Variants in TNRC6C observed in about 807,000 individuals in gnomAD.
The protein encoded by TNRC6C is trinucleotide repeat-containing gene 6C protein.
In TNRC6C, 20 loss-of-function variants were observed where a neutral mutation model predicts 153.7. The ratio of observed to expected loss-of-function variants is 0.13; its 90% CI spans 0.09 to 0.19. The LOEUF (loss-of-function observed/expected upper bound fraction) is 0.19. Among genes scored for constraint, TNRC6C ranks in the 10% least tolerant of loss-of-function variants. The probability of loss-of-function intolerance (pLI) is 1.00; values close to 1 mark genes in which losing one functional copy is unlikely to be tolerated. For synonymous variants in TNRC6C, 811 were observed against 841.4 expected (o/e 0.96, Z 0.63); for missense variants, 1,987 against 2,172.0 (o/e 0.91, Z 1.69).
intron 2 of TNRC6C, among the ~76,000 whole-genome samples, chr17:78,036,930 AAAAG>A (rs565023371): frequency 4.7e-4 from 71 of 152,156 alleles, no homozygotes; most frequent in East Asian, 3.7e-3. Context: ...TTAAAAAAAA[AAAAG>A]AAAGAAAGAA....
At chr17:78,061,553 G>C (rs1328517716) in intron 3 of TNRC6C, among the ~76,000 whole-genome samples, 1 of 152,106 alleles carries the variant, frequency 6.6e-6, no homozygotes, top group East Asian at 1.9e-4. Context: ...GTGGGGGCAG[G>C]CATCTGTAAT....
Position 77,981,904 on chromosome 17 carries a change from G to C in TNRC6C, c.-37-22266G>C, listed in dbSNP as rs923841952. ...GATAGAAGAGATTTGACAACCCCTA[G>C]GTATTGTGGACTGAGTGTGTGTGTT... On this transcript the variant is annotated intron_variant, in intron 1 of 22. Coordinates refer to the TNRC6C transcript ENST00000636222. 2.0e-5 allele frequency among the ~76,000 whole-genome samples: 3 copies of C among 152,284 alleles called. No homozygotes were observed. The East Asian group carries it at 5.8e-4, about 29-fold the overall frequency.
chr17:78,003,031 G>A (rs143721800), upstream of TNRC6C, among the ~76,000 whole-genome samples: 276 of 152,310 alleles, frequency 1.8e-3, 1 homozygote, highest in African/African-American at 6.3e-3. Context: ...TGGTCAGAAT[G>A]CGGGATAGTG....
At chr17:78,007,365 G>A (rs1442046355) in intron 1 of TNRC6C, among the ~76,000 whole-genome samples, 1 of 152,142 alleles carries the variant, frequency 6.6e-6, no homozygotes, top group Non-Finnish European at 1.5e-5. Flanking sequence ...ATGAATATTA[G>A]CAGCATCAAG....
At chr17:78,069,531 A>G (rs1297620590) in intron 5 of TNRC6C, among the ~76,000 whole-genome samples, 6 of 152,176 alleles carry the variant, frequency 3.9e-5, no homozygotes, top group Admixed American at 2.6e-4. Flanking sequence ...CTACAGGTGC[A>G]TGCCACTCTG....
chr17:77,994,054 A>T (rs934866844), intron 1 of TNRC6C, among the ~76,000 whole-genome samples: 1 of 152,082 alleles, frequency 6.6e-6, no homozygotes, highest in Admixed American at 6.5e-5. Flanking sequence ...TTAGCCGGGC[A>T]TTGTGGTGCA....
chr17:78,075,700 A>C lies in TNRC6C; in HGVS notation c.3060+422A>C, dbSNP rs2073072279. 2.6e-5 allele frequency among the ~76,000 whole-genome samples: 4 copies of C among 152,318 alleles called. No homozygotes were observed. The Middle Eastern group carries it at 0.014, about 518-fold the overall frequency. On this transcript the variant is annotated intron_variant, in intron 8 of 19. Coordinates refer to ENST00000301624, the Ensembl canonical transcript of TNRC6C. The surrounding 1 kb of genome is among the most constrained non-coding windows in gnomAD (Gnocchi z 4.2). ...CACCCATCTCTGGCTGGCCCTTGTC[A>C]GTTGGCCACATGAGTGACCACAGCT...
chr17:78,054,801 A>G (rs2072616483), intron 3 of TNRC6C, among the ~76,000 whole-genome samples: 1 of 152,098 alleles, frequency 6.6e-6, no homozygotes, highest in South Asian at 2.1e-4. Context: ...ACTGTACACT[A>G]CTATACACCA....
chr17:77,981,006 C>T (rs1188741365), intron 1 of TNRC6C, among the ~76,000 whole-genome samples: 1 of 152,072 alleles, frequency 6.6e-6, no homozygotes, highest in Non-Finnish European at 1.5e-5. Flanking sequence ...GAGGCAGTCT[C>T]ACTCTATTGT....
At chr17:78,097,686 T>TG in intron 16 of TNRC6C, 59 bp from the exon 19 acceptor site, 8 of 1,244,474 alleles carry the variant, frequency 6.4e-6, no homozygotes, top group Non-Finnish European at 8.9e-6. Context: ...ACCCCACAGT[T>TG]AGAGTCATGA....
At chr17:78,005,260 T>C (rs2071476798) in intron 1 of TNRC6C, among the ~76,000 whole-genome samples, 181 bp downstream of exon 3, 1 of 152,170 alleles carries the variant, frequency 6.6e-6, no homozygotes, top group South Asian at 2.1e-4. Flanking sequence ...CTGCATCTCA[T>C]TGGTATTTGG....
chr17:78,004,452 AC>A (rs1457724199), upstream of TNRC6C, among the ~76,000 whole-genome samples: 1 of 152,202 alleles, frequency 6.6e-6, no homozygotes, highest in East Asian at 1.9e-4. Flanking sequence ...TAAATGTCTA[AC>A]TTGGAACTGG....
At chr17:77,977,390 AG>A (rs1436706393) in intron 1 of TNRC6C, among the ~76,000 whole-genome samples, 2 of 152,194 alleles carry the variant, frequency 1.3e-5, no homozygotes, top group Non-Finnish European at 2.9e-5. Flanking sequence ...CATTTCCACT[AG>A]TATCTTTGCT....
At chr17:78,008,167 T>TA (rs2071555848) in intron 1 of TNRC6C, among the ~76,000 whole-genome samples, 1 of 152,232 alleles carries the variant, frequency 6.6e-6, no homozygotes, top group African/African-American at 2.4e-5. Flanking sequence ...TTTAAAAGAC[T>TA]AATGCCGAAC....
At chr17:78,016,699 C>T (rs1261269737) in intron 1 of TNRC6C, among the ~76,000 whole-genome samples, 1 of 152,106 alleles carries the variant, frequency 6.6e-6, no homozygotes, top group Non-Finnish European at 1.5e-5. Context: ...CTCTGTGGTT[C>T]CTCCTTTAAC....
intron 3 of TNRC6C, among the ~76,000 whole-genome samples, chr17:78,062,300 T>A (rs1250706970): frequency 6.6e-6 from 1 of 152,112 alleles, no homozygotes; most frequent in Non-Finnish European, 1.5e-5. Flanking sequence ...AAATGATTTT[T>A]AGGTTGCGTG....
At position 78,104,336 on chromosome 17, in the gene TNRC6C, C is replaced by T; in HGVS notation, c.4713-149C>T. ...AGAAGTCTGAACTGAGCAAAACATT[C>T]ACAGTCTGGGTTTGGAAATAGCAGT... On this transcript the variant is annotated intron_variant, in intron 19 of 19. Coordinates refer to ENST00000301624, the Ensembl canonical transcript of TNRC6C. This position sits in a 1 kb window ranked among gnomAD's most constrained non-coding sequence, Gnocchi z 6.2. The T allele has an allele frequency of 9.0e-7, 1 of 1,116,912 alleles. No individual in the cohort carries two copies. The highest frequency in any genetic ancestry group is 1.2e-6 in the Non-Finnish European group (1 of 831,818). 69.2% of individuals were successfully genotyped at this position (1,116,912 alleles called of 1,614,324 possible).
At chr17:78,000,446 C>T (rs2071393114), upstream of TNRC6C, among the ~76,000 whole-genome samples, 10 of 152,194 alleles carry the variant, frequency 6.6e-5, no homozygotes, top group Admixed American at 6.5e-4. Context: ...ATAACTATTT[C>T]TATGACAACT....
intron 1 of TNRC6C, among the ~76,000 whole-genome samples, chr17:78,014,287 C>CT (rs1469487599): frequency 6.6e-5 from 10 of 152,146 alleles, no homozygotes; most frequent in Admixed American, 2.6e-4. Context: ...ACCCAGTGGA[C>CT]TTTCTTTGCC....
Sources: gnomAD v4.1 joint callset for allele counts (sites outside exome capture counted in the v4.1 genomes callset) on GRCh38, gnomAD v4.1.1 for gene constraint, Gnocchi (gnomAD v3.1) non-coding constraint, MANE v1.5 for transcripts, NCBI Gene and HGNC (gene_info 2026-07-23, HGNC 2026-07-21) for gene names.